KCTD1: variants seen among roughly 807,000 people sequenced by gnomAD.
The protein encoded by KCTD1 is potassium channel tetramerization domain containing 1.
In KCTD1, 24 loss-of-function variants were observed where a neutral mutation model predicts 66.0. That is an observed-to-expected ratio of 0.36 (90% CI 0.26 to 0.51). KCTD1 has a LOEUF of 0.51. Among genes scored for constraint, KCTD1 ranks in the 20% least tolerant of loss-of-function variants. KCTD1 has a pLI of 0.95. For synonymous variants in KCTD1, 511 were observed against 517.2 expected (o/e 0.99, Z 0.16); for missense variants, 943 against 1,205.2 (o/e 0.78, Z 3.22).
chr18:26,498,423 G>A (rs755951614), intron 2 of KCTD1, among the ~76,000 whole-genome samples: 5 of 149,758 alleles, frequency 3.3e-5, no homozygotes, highest in South Asian at 2.2e-4. Context: ...ATAGTTCAGC[G>A]CTGTCCAACA....
At chr18:26,529,161 T>C (rs1984315824) in intron 1 of KCTD1, among the ~76,000 whole-genome samples, 1 of 152,134 alleles carries the variant, frequency 6.6e-6, no homozygotes. Flanking sequence ...CACACAGCAC[T>C]AGCATGTCAA....
At chr18:26,479,721 T>G (rs1567961805) in intron 2 of KCTD1, among the ~76,000 whole-genome samples, 1 of 152,152 alleles carries the variant, frequency 6.6e-6, no homozygotes, top group Non-Finnish European at 1.5e-5. Flanking sequence ...AGGAGGAACG[T>G]TGGAGTTGTG....
chr18:26,554,096 AAAAG>A (rs1000358518), intron 1 of KCTD1, among the ~76,000 whole-genome samples: 27 of 150,906 alleles, frequency 1.8e-4, no homozygotes, highest in Non-Finnish European at 3.1e-4. Context: ...GAAAGAAAGA[AAAAG>A]AAGGAAGGAG....
intron 1 of KCTD1, among the ~76,000 whole-genome samples, chr18:26,656,643 G>T (rs1988151063): frequency 6.6e-6 from 1 of 151,028 alleles, no homozygotes; most frequent in African/African-American, 2.4e-5. Context: ...GCCCCAGTCC[G>T]CTCGGCCGCC....
At chr18:26,573,835 G>A (rs924512394) in intron 1 of KCTD1, among the ~76,000 whole-genome samples, 13 of 152,202 alleles carry the variant, frequency 8.5e-5, no homozygotes, top group Non-Finnish European at 1.3e-4. Context: ...ATTCTAAGCA[G>A]ATTTTTTCAC....
At chr18:26,500,718 C>T (rs767649792) in intron 2 of KCTD1, among the ~76,000 whole-genome samples, 13 of 152,056 alleles carry the variant, frequency 8.5e-5, no homozygotes, top group Non-Finnish European at 1.8e-4. Context: ...ATTATCAGAA[C>T]CTATAAGAAA....
chr18:26,567,979 A>G (rs1986021507), intron 1 of KCTD1, among the ~76,000 whole-genome samples: 3 of 152,212 alleles, frequency 2.0e-5, no homozygotes. Flanking sequence ...CAAGATGATC[A>G]AGGCCTCATG....
In KCTD1 at chr18:26,547,111, G is replaced by C; in HGVS notation, c.1426C>G (p.Pro476Ala). ...AGAGCCTCGGCGTAGCAGCCCTGCGGGGCGGGCGAGCCCAGCTTGGTGCCA... is the reference window on the plus strand; with the variant it reads ...AGAGCCTCGGCGTAGCAGCCCTGCGCGGCGGGCGAGCCCAGCTTGGTGCCA... ...GIGTKLGSPA[P>A]QGCYAEALNG... is the part of the protein sequence containing the mutation. Residue 476 changes from proline to alanine, a missense_variant, in exon 1 of 5, where the codon CCG becomes GCG. Physicochemically the swap from Pro to Ala is conservative, Grantham distance 27. Coordinates refer to ENST00000580059, the MANE Select transcript of KCTD1 (RefSeq NM_001142730.3). 2 of 1,549,346 alleles carry C rather than the reference G, an allele frequency of 1.3e-6. No homozygotes were observed. Among genetic ancestry groups the C allele is most frequent in the Non-Finnish European group, 1.7e-6 (2 of 1,146,814 alleles).
intron 3 of KCTD1, among the ~76,000 whole-genome samples, chr18:26,465,424 G>A (rs567088829): frequency 2.6e-5 from 4 of 152,208 alleles, no homozygotes; most frequent in East Asian, 1.9e-4. Context: ...ACTGGCCCAC[G>A]TGCCCCTTTT....
chr18:26,467,414 G>T (rs56064506), intron 3 of KCTD1, among the ~76,000 whole-genome samples: 29,831 of 151,952 alleles, frequency 0.2, 3,213 homozygotes, highest in African/African-American at 0.21. Flanking sequence ...TACTTCGGGG[G>T]CGCTGAGCGG....
chr18:26,470,413 C>T (rs1003854825), intron 3 of KCTD1, among the ~76,000 whole-genome samples: 6 of 152,210 alleles, frequency 3.9e-5, no homozygotes, highest in Admixed American at 1.3e-4. Flanking sequence ...GTCCCTTTAT[C>T]CTGCCTTGAC....
upstream of KCTD1, among the ~76,000 whole-genome samples, chr18:26,641,031 G>C (rs771766116): frequency 2.6e-5 from 4 of 152,150 alleles, no homozygotes; most frequent in Non-Finnish European, 4.4e-5. Context: ...CCAAACTCCT[G>C]TTTCTGCCAG....
intron 1 of KCTD1, among the ~76,000 whole-genome samples, chr18:26,565,449 C>G (rs1159411037): frequency 6.6e-6 from 1 of 152,212 alleles, no homozygotes; most frequent in Non-Finnish European, 1.5e-5. Context: ...CCAGAGTATA[C>G]TCTGGAACTT....
chr18:26,620,465 C>T (rs1199930278), intron 1 of KCTD1, among the ~76,000 whole-genome samples: 74 of 87,728 alleles, frequency 8.4e-4, no homozygotes, highest in African/African-American at 3.3e-3. Context: ...GAGACAGGGT[C>T]TTGTTCTGTT....
intron 1 of KCTD1, among the ~76,000 whole-genome samples, chr18:26,520,262 C>T (rs184051210): frequency 6.6e-6 from 1 of 152,314 alleles, no homozygotes; most frequent in Non-Finnish European, 1.5e-5. Context: ...CAGTGACCAG[C>T]TTCCACACAC....
chr18:26,457,491 A>G (rs989587401), intron 4 of KCTD1: 1 of 152,232 alleles, frequency 6.6e-6, no homozygotes, highest in Non-Finnish European at 1.5e-5. Flanking sequence ...AACAGCAGAG[A>G]ACCTAACCCT....
chr18:26,505,196 G>A (rs1982969533), intron 1 of KCTD1, among the ~76,000 whole-genome samples: 1 of 152,268 alleles, frequency 6.6e-6, no homozygotes, highest in African/African-American at 2.4e-5. Context: ...TGCCAAGCAT[G>A]GCTGCCTGCT....
chr18:26,570,216 G>A (rs913747055), intron 1 of KCTD1, among the ~76,000 whole-genome samples: 1 of 119,038 alleles, frequency 8.4e-6, no homozygotes, highest in Non-Finnish European at 1.9e-5. Flanking sequence ...ATATATATAT[G>A]ATTTCAGCAA....
At chr18:26,456,159 TATAA>T in intron 4 of KCTD1, 1 of 344,300 alleles carries the variant, frequency 2.9e-6, no homozygotes, top group Non-Finnish European at 5.2e-6. Flanking sequence ...AGGCCCATTT[TATAA>T]ATGAGAAAAC....
Sources: gnomAD v4.1 joint callset for allele counts (sites outside exome capture counted in the v4.1 genomes callset) on GRCh38, gnomAD v4.1.1 for gene constraint, MANE v1.5 for transcripts, NCBI Gene and HGNC (gene_info 2026-07-23, HGNC 2026-07-21) for gene names.